Variants in SOX5 observed in about 807,000 individuals in gnomAD.
SOX5 encodes SRY-box transcription factor 5, also known as transcription factor SOX-5.
A neutral mutation model predicts 92.0 loss-of-function variants in SOX5; 9 were observed. The observed-to-expected ratio is 0.10, with a 90% CI of 0.06 to 0.17. The LOEUF is 0.17. Ranked by LOEUF, SOX5 falls within the 10% of genes least tolerant of loss-of-function variation. The pLI, the probability that SOX5 is intolerant of heterozygous loss-of-function variation, is 1.00. For missense variants in SOX5, 642 were observed against 944.5 expected (o/e 0.68, Z 4.20); for synonymous variants, 344 against 336.3 (o/e 1.02, Z -0.25).
chr12:24,200,879 C>G (rs1957450697), intron 4 of SOX5, among the ~76,000 whole-genome samples: 1 of 152,164 alleles, frequency 6.6e-6, no homozygotes, highest in Non-Finnish European at 1.5e-5. Context: ...ATTCAAATTG[C>G]CCTTATGCTC....
At chr12:24,336,162 T>C (rs1364217785) in intron 2 of SOX5, among the ~76,000 whole-genome samples, 7 of 151,530 alleles carry the variant, frequency 4.6e-5, no homozygotes, top group Admixed American at 4.6e-4. Context: ...TGGTCCAATC[T>C]TGGCTCACTG....
intron 1 of SOX5, among the ~76,000 whole-genome samples, chr12:24,461,914 T>C (rs1371266432): frequency 1.3e-5 from 2 of 152,184 alleles, no homozygotes; most frequent in Non-Finnish European, 2.9e-5. Context: ...CCCAGCTCAG[T>C]TATTAATTAA....
intron 3 of SOX5, among the ~76,000 whole-genome samples, chr12:23,800,766 A>G (rs983868382): frequency 6.6e-6 from 1 of 152,192 alleles, no homozygotes; most frequent in Non-Finnish European, 1.5e-5. Flanking sequence ...GAAAGAAGGT[A>G]TATCATGAAA....
chr12:23,993,102 G>A lies in SOX5; in HGVS notation c.-1-97078C>T, dbSNP rs118152466. On this transcript the variant is annotated intron_variant, in intron 4 of 4. Transcript: ENST00000446891. ...TACCAGATAGAAGCAGTGACTGAGC[G>A]TTTAATACTCTTAATTTGTTAAAAC... Among the ~76,000 whole-genome samples, 246 of 152,162 alleles carry A rather than the reference G, an allele frequency of 1.6e-3. 3 individuals are homozygous for A. Among genetic ancestry groups the A allele is most frequent in the Non-Finnish European group, 2.3e-3 (159 of 67,984 alleles).
At chr12:24,346,941 T>C (rs1456175147) in intron 2 of SOX5, among the ~76,000 whole-genome samples, 2 of 152,106 alleles carry the variant, frequency 1.3e-5, no homozygotes, top group Non-Finnish European at 2.9e-5. Flanking sequence ...GACGAGTTAA[T>C]GGGTGCAGCA....
chr12:24,351,303 C>T (rs1043375019), intron 2 of SOX5, among the ~76,000 whole-genome samples: 3 of 152,164 alleles, frequency 2.0e-5, no homozygotes, highest in Non-Finnish European at 4.4e-5. Context: ...CCATCTCTGT[C>T]TTGTAGACCA....
chr12:24,163,601 G>C (rs1953032523), intron 4 of SOX5, among the ~76,000 whole-genome samples: 1 of 149,720 alleles, frequency 6.7e-6, no homozygotes, highest in South Asian at 2.1e-4. Context: ...TAAGCTCCTA[G>C]AATACGAGGA....
chr12:23,605,375 C>A (rs1212815741), intron 8 of SOX5, among the ~76,000 whole-genome samples: 1 of 150,470 alleles, frequency 6.6e-6, no homozygotes, highest in African/African-American at 2.4e-5. Context: ...TTTTCATTTT[C>A]CTTTCACAAC....
intron 4 of SOX5, among the ~76,000 whole-genome samples, chr12:23,968,327 C>G (rs1319302599): frequency 1.3e-5 from 2 of 152,192 alleles, no homozygotes. Context: ...CTCTTCAAGT[C>G]TTATACTACT....
At chr12:24,204,659 T>A (rs1957852216) in intron 4 of SOX5, among the ~76,000 whole-genome samples, 1 of 152,146 alleles carries the variant, frequency 6.6e-6, no homozygotes, top group African/African-American at 2.4e-5. Context: ...TGATATTGTG[T>A]CTTCAGGATT....
intron 6 of SOX5, among the ~76,000 whole-genome samples, chr12:23,667,310 A>G (rs2083976054): frequency 6.6e-6 from 1 of 152,164 alleles, no homozygotes; most frequent in African/African-American, 2.4e-5. Flanking sequence ...TTATACTTTA[A>G]TCGTTTATAA....
intron 2 of SOX5, among the ~76,000 whole-genome samples, chr12:23,854,815 C>T (rs987240980): frequency 1.3e-5 from 2 of 151,908 alleles, no homozygotes; most frequent in African/African-American, 2.4e-5. Flanking sequence ...TTCTCATCTG[C>T]AAAATGGGGA....
intron 4 of SOX5, among the ~76,000 whole-genome samples, chr12:24,114,602 A>AAAAAAAAAAG (rs1565464302): frequency 6.8e-6 from 1 of 147,962 alleles, no homozygotes; most frequent in African/African-American, 2.5e-5. Flanking sequence ...AAAAAAAAAA[A>AAAAAAAAAAG]AAATTAACAG....
Position 24,095,116 on chromosome 12 carries a change from C to G in SOX5, c.-2+118227G>C, listed in dbSNP as rs1369654340. 1.1e-4 allele frequency among the ~76,000 whole-genome samples: 10 copies of G among 94,866 alleles called. No individual in the cohort carries two copies. In the East Asian group the frequency reaches 2.8e-3, roughly 26 times the overall value. The allele number at this position is 94,866 out of a possible 152,430, so 62.2% of individuals were successfully genotyped here. ...ACACACACACACACACACACACACA[C>G]ACACACACACACAGAGAGAGAGAGA... On this transcript the variant is annotated intron_variant, in intron 4 of 4. Coordinates refer to the SOX5 transcript ENST00000446891.
At chr12:24,028,844 C>T (rs1955174883) in intron 4 of SOX5, among the ~76,000 whole-genome samples, 1 of 152,062 alleles carries the variant, frequency 6.6e-6, no homozygotes, top group East Asian at 1.9e-4. Flanking sequence ...TAGCAAACAT[C>T]TATTTAATAT....
chr12:24,390,413 A>G lies in SOX5; in HGVS notation c.-250-21774T>C, dbSNP rs142699663. Among the ~76,000 whole-genome samples the G allele has an allele frequency of 1.4e-3, 208 of 152,288 alleles. 2 individuals carry two copies. In the South Asian group the frequency reaches 0.028, roughly 21 times the overall value. On this transcript the variant is annotated intron_variant, in intron 1 of 4. Transcript: ENST00000446891. ...TGAAAATTAAACCTGTAATTGACCA[A>G]TGAATTTTTAGATTACATGTATAAT...
intron 1 of SOX5, among the ~76,000 whole-genome samples, chr12:24,397,955 T>C (rs1960479633): frequency 6.6e-6 from 1 of 152,058 alleles, no homozygotes; most frequent in Non-Finnish European, 1.5e-5. Context: ...GTTCACGCCA[T>C]TCTCCTGCCT....
At chr12:23,666,112 CTCTT>C (rs1217007468) in intron 6 of SOX5, among the ~76,000 whole-genome samples, 1 of 150,042 alleles carries the variant, frequency 6.7e-6, no homozygotes, top group African/African-American at 2.5e-5. Context: ...TAAAACTTTA[CTCTT>C]TTTTTTTTTT....
In SOX5 at chr12:23,669,565, C is replaced by T. The variant is rs374939235; in HGVS notation, c.811-4001G>A. On this transcript the variant is annotated intron_variant, in intron 6 of 14. Transcript: ENST00000451604. ...GGATATGGAAAAAGACTGGAGAGAC[C>T]CAGCGTAGAGACCAAGTGGGAAGTT... Among the ~76,000 whole-genome samples, 8 of 151,178 alleles carry T rather than the reference C, an allele frequency of 5.3e-5. No homozygotes were observed. In the East Asian group the frequency reaches 7.8e-4, roughly 15 times the overall value.
Sources: gnomAD v4.1 joint callset for allele counts (sites outside exome capture counted in the v4.1 genomes callset) on GRCh38, gnomAD v4.1.1 for gene constraint, MANE v1.5 for transcripts, NCBI Gene and HGNC (gene_info 2026-07-23, HGNC 2026-07-21) for gene names.